Variants in SEMA3A observed in about 807,000 individuals in gnomAD.
The protein encoded by SEMA3A is semaphorin 3A.
Under a neutral mutation model 97.9 loss-of-function variants are expected in SEMA3A, and 29 were observed. That is an observed-to-expected ratio of 0.30 (90% CI 0.22 to 0.40). The LOEUF is 0.40. Among genes scored for constraint, SEMA3A ranks in the 10% least tolerant of loss-of-function variants. The pLI is 1.00. For missense variants in SEMA3A, 763 were observed against 951.3 expected, an observed-to-expected ratio of 0.80 and a Z score of 2.60; for synonymous variants, 321 against 323.7, an observed-to-expected ratio of 0.99 and a Z score of 0.09.
chr7:84,049,075 G>A (rs1792481209), intron 5 of SEMA3A, among the ~76,000 whole-genome samples: 2 of 152,036 alleles, frequency 1.3e-5, no homozygotes, highest in Non-Finnish European at 2.9e-5. Context: ...TTCAGAGAAA[G>A]TAGAACAGGT....
intron 3 of SEMA3A, among the ~76,000 whole-genome samples, chr7:84,305,087 T>C (rs986530070): frequency 1.3e-5 from 2 of 151,978 alleles, no homozygotes; most frequent in Non-Finnish European, 2.9e-5. Context: ...TCATGGATCT[T>C]GCTATGTAGG....
chr7:84,240,877 T>C (rs1489504605), intron 3 of SEMA3A, among the ~76,000 whole-genome samples: 3 of 152,206 alleles, frequency 2.0e-5, no homozygotes, highest in Non-Finnish European at 4.4e-5. Context: ...GTTCCTGTGT[T>C]AGTTTGCTGA....
At chr7:84,463,409 C>T (rs372117904) in intron 1 of SEMA3A, among the ~76,000 whole-genome samples, 4 of 151,702 alleles carry the variant, frequency 2.6e-5, no homozygotes, top group East Asian at 1.9e-4. Context: ...CCACCACGCC[C>T]GGCTAATTTT....
At chr7:84,230,652 T>C (rs1438232070) in intron 3 of SEMA3A, among the ~76,000 whole-genome samples, 1 of 151,984 alleles carries the variant, frequency 6.6e-6, no homozygotes, top group Admixed American at 6.6e-5. Flanking sequence ...ATGTCTTGTG[T>C]CTGGTTCGGC....
At chr7:84,139,075 T>G (rs1054055527) in intron 1 of SEMA3A, among the ~76,000 whole-genome samples, 6 of 152,144 alleles carry the variant, frequency 3.9e-5, no homozygotes, top group African/African-American at 1.4e-4. Context: ...AGTCTTTCTT[T>G]CGTTTCAGTT....
At chr7:84,134,039 C>T (rs568330075) in intron 2 of SEMA3A, among the ~76,000 whole-genome samples, 25 of 151,888 alleles carry the variant, frequency 1.6e-4, no homozygotes, top group African/African-American at 4.6e-4. Context: ...CCAGCCTGGG[C>T]GACAGAGCGA....
chr7:84,294,954 ATGCTGGGGGCCCTTCTTTCCTGC>A (rs1221505781), intron 3 of SEMA3A, among the ~76,000 whole-genome samples: 2 of 152,038 alleles, frequency 1.3e-5, no homozygotes, highest in African/African-American at 4.8e-5. Flanking sequence ...TCAGTGGAGA[ATGCTGGGGGCCCTTCTTTCCTGC>A]TGCTCTCTGT....
At chr7:84,078,230 A>C (rs1438910251) in intron 4 of SEMA3A, among the ~76,000 whole-genome samples, 1 of 152,056 alleles carries the variant, frequency 6.6e-6, no homozygotes, top group Non-Finnish European at 1.5e-5. Flanking sequence ...CTGACAGTGC[A>C]TGGAGTGAAT....
At chr7:84,429,316 C>G (rs974030855) in intron 1 of SEMA3A, among the ~76,000 whole-genome samples, 2 of 151,368 alleles carry the variant, frequency 1.3e-5, no homozygotes, top group African/African-American at 4.9e-5. Flanking sequence ...ACTAGTACGA[C>G]ATCTCCAATT....
At chr7:84,254,753 C>T (rs1799679969) in intron 3 of SEMA3A, among the ~76,000 whole-genome samples, 1 of 152,080 alleles carries the variant, frequency 6.6e-6, no homozygotes, top group African/African-American at 2.4e-5. Flanking sequence ...ACCTATAACC[C>T]TTGCTTTGTA....
intron 1 of SEMA3A, among the ~76,000 whole-genome samples, chr7:84,190,085 G>C (rs1797995873): frequency 1.3e-5 from 2 of 151,664 alleles, no homozygotes; most frequent in Admixed American, 6.6e-5. Flanking sequence ...ATTAAAGCTG[G>C]TGAGTTAGAG....
chr7:84,318,812 C>T (rs1212218050), intron 2 of SEMA3A, among the ~76,000 whole-genome samples: 2 of 152,142 alleles, frequency 1.3e-5, no homozygotes, highest in Non-Finnish European at 2.9e-5. Flanking sequence ...CTTGGGAATG[C>T]ATTGCTCAAT....
chr7:84,226,817 G>T (rs142928995), intron 3 of SEMA3A, among the ~76,000 whole-genome samples: 95 of 152,098 alleles, frequency 6.2e-4, no homozygotes, highest in Non-Finnish European at 1.2e-3. Flanking sequence ...TAGTAGAAAT[G>T]ACATATTATT....
chr7:84,014,369 G>C lies in SEMA3A; in HGVS notation c.668-18C>G. ...CTTTGGATCTGAGAGACAAATAATA[G>C]CGTATATATTAATTCACAGCTTAAT... On this transcript the variant is annotated intron_variant, in intron 6 of 16. Coordinates refer to ENST00000265362, the MANE Select transcript of SEMA3A (RefSeq NM_006080.3). 2 of 1,583,476 alleles carry C rather than the reference G, an allele frequency of 1.3e-6. No individual in the cohort carries two copies. The highest frequency in any genetic ancestry group is 1.7e-5 in the Admixed American group (1 of 59,704).
At chr7:84,330,684 G>T (rs1262698256) in intron 2 of SEMA3A, among the ~76,000 whole-genome samples, 1 of 151,906 alleles carries the variant, frequency 6.6e-6, no homozygotes, top group Non-Finnish European at 1.5e-5. Flanking sequence ...GGATATGGTA[G>T]TTGTTTTTTA....
At chr7:84,488,350 A>ACACACACACG (rs1491484043) in intron 1 of SEMA3A, among the ~76,000 whole-genome samples, 1 of 150,156 alleles carries the variant, frequency 6.7e-6, no homozygotes, top group African/African-American at 2.4e-5. Context: ...ACACACACAC[A>ACACACACACG]TATATATATG....
At position 84,328,028 on chromosome 7, in the gene SEMA3A, C is replaced by T. The variant is rs191343714; in HGVS notation, c.-168-20736G>A. ...TGGGATAAAGGTTAGATTACGATTT[C>T]GAGTTTATGAATTAAATCTTTATAA... On this transcript the variant is annotated intron_variant, in intron 2 of 3. Coordinates refer to the SEMA3A transcript ENST00000424555. 3.3e-4 allele frequency among the ~76,000 whole-genome samples: 50 copies of T among 152,014 alleles called. 1 individual carries two copies. The highest frequency in any genetic ancestry group is 1.9e-4 in the East Asian group (1 of 5,184).
At chr7:84,291,862 C>A (rs1800755882) in intron 3 of SEMA3A, among the ~76,000 whole-genome samples, 1 of 152,106 alleles carries the variant, frequency 6.6e-6, no homozygotes, top group Non-Finnish European at 1.5e-5. Flanking sequence ...TCATGTGGAG[C>A]ACCTGTGGTG....
intron 2 of SEMA3A, among the ~76,000 whole-genome samples, chr7:84,312,438 C>T (rs1012178390): frequency 6.6e-6 from 1 of 151,694 alleles, no homozygotes; most frequent in African/African-American, 2.4e-5. Flanking sequence ...ACTGAAACAA[C>T]ATTTCCCTTA....
Sources: allele counts gnomAD v4.1 joint callset (sites outside exome capture counted in the v4.1 genomes callset), GRCh38; gene constraint gnomAD v4.1.1; transcripts MANE v1.5; gene names NCBI Gene and HGNC (gene_info 2026-07-23, HGNC 2026-07-21).